The following DHRSX variants were observed in gnomAD, a reference collection of about 807,000 sequenced individuals.
DHRSX encodes the protein dehydrogenase/reductase X-linked, also known as polyprenol dehydrogenase.
A neutral mutation model predicts 34.0 loss-of-function variants in DHRSX; 31 were observed. The ratio of observed to expected loss-of-function variants is 0.91; its 90% CI spans 0.69 to 1.23. The LOEUF (loss-of-function observed/expected upper bound fraction) is 1.23, where lower values mean the gene tolerates loss of function less well. Ranked by LOEUF, DHRSX falls within the 50% of genes most tolerant of loss-of-function variation. The probability of loss-of-function intolerance (pLI) is 0.00; values close to 1 mark genes in which losing one functional copy is unlikely to be tolerated. For missense variants in DHRSX, 414 were observed against 428.1 expected (o/e 0.97, Z 0.29); for synonymous variants, 201 against 183.8 (o/e 1.09, Z -0.76).
At position 2,436,049 on chromosome X, in the gene DHRSX, C is replaced by T. The variant is rs146813849; in HGVS notation, c.110-10745G>A. Among the ~76,000 whole-genome samples the T allele has an allele frequency of 1.5e-3, 230 of 151,834 alleles. 1 individual carries two copies. Among genetic ancestry groups the T allele is most frequent in the African/African-American group, 5.3e-3 (220 of 41,400 alleles). On this transcript the variant is annotated intron_variant, in intron 1 of 6. Coordinates refer to ENST00000334651, the MANE Select transcript of DHRSX (RefSeq NM_145177.3). ...CTGTACTAAAAGTACAAAAATTAGC[C>T]GGGCATGGTAGCACGCACCTGTAAT...
chrX:2,245,639 G>A (rs1198877586), intron 5 of DHRSX, among the ~76,000 whole-genome samples: 1 of 149,622 alleles, frequency 6.7e-6, no homozygotes, highest in Non-Finnish European at 1.5e-5. Context: ...ATTGATTGAT[G>A]TCTCCTGTCT....
chrX:2,389,443 G>A (rs1350476264), intron 3 of DHRSX, among the ~76,000 whole-genome samples: 5 of 152,180 alleles, frequency 3.3e-5, no homozygotes, highest in Admixed American at 6.5e-5. Flanking sequence ...GGTAGGTTTC[G>A]TGTCCACCTC....
intron 6 of DHRSX, among the ~76,000 whole-genome samples, chrX:2,234,265 C>G (rs1478695844): frequency 6.6e-6 from 1 of 152,018 alleles, no homozygotes; most frequent in Non-Finnish European, 1.5e-5. Context: ...CAGCCCTGAT[C>G]CACGCACACA....
intron 3 of DHRSX, among the ~76,000 whole-genome samples, chrX:2,298,138 G>A (rs2041956658): frequency 6.6e-6 from 1 of 152,010 alleles, no homozygotes. Context: ...GCAGAGACTG[G>A]AGTGATACAG....
Position 2,490,098 on chromosome X carries a change from G to A in DHRSX, c.109+10719C>T, listed in dbSNP as rs201660071. The A allele has an allele frequency of 4.6e-5, 74 of 1,613,844 alleles. No individual in the cohort carries two copies. In the East Asian group the frequency reaches 1.3e-3, roughly 28 times the overall value. On this transcript the variant is annotated intron_variant, in intron 1 of 6. Coordinates refer to ENST00000334651, the MANE Select transcript of DHRSX (RefSeq NM_145177.3). ...TGGGCGGCCAGCGTGACGTAGGCGC[G>A]GTTCTGATTCTCACTCCTCCACATG...
chrX:2,474,729 T>C (rs188908530), intron 1 of DHRSX, among the ~76,000 whole-genome samples: 13 of 151,500 alleles, frequency 8.6e-5, no homozygotes, highest in Non-Finnish European at 1.3e-4. Context: ...ATGTACACAC[T>C]GAAGACGTTC....
intron 3 of DHRSX, among the ~76,000 whole-genome samples, chrX:2,380,054 C>A (rs1208004456): frequency 1.3e-5 from 2 of 151,892 alleles, no homozygotes; most frequent in African/African-American, 2.4e-5. Context: ...CCCAGCACTT[C>A]GGGAGGCCGA....
At chrX:2,362,759 C>A (rs1188880654) in intron 3 of DHRSX, among the ~76,000 whole-genome samples, 1 of 149,386 alleles carries the variant, frequency 6.7e-6, no homozygotes, top group African/African-American at 2.5e-5. Context: ...TGGTATCATG[C>A]CGCCATTTTA....
At chrX:2,441,174 C>T (rs909338482) in intron 1 of DHRSX, among the ~76,000 whole-genome samples, 3 of 152,142 alleles carry the variant, frequency 2.0e-5, no homozygotes, top group African/African-American at 7.2e-5. Flanking sequence ...TATCTCATCA[C>T]GTTCACCAAC....
At chrX:2,366,783 G>C (rs1433692842) in intron 3 of DHRSX, among the ~76,000 whole-genome samples, 2 of 150,158 alleles carry the variant, frequency 1.3e-5, no homozygotes, top group African/African-American at 2.5e-5. Context: ...TTTTCCTGTA[G>C]AGACGAGATC....
chrX:2,348,290 C>T (rs1250884441), intron 3 of DHRSX, among the ~76,000 whole-genome samples: 2 of 152,158 alleles, frequency 1.3e-5, no homozygotes, highest in Admixed American at 1.3e-4. Context: ...AAAGTGATCA[C>T]TAAGCTTGGT....
chrX:2,286,139 CT>C (rs2041802544), intron 4 of DHRSX, among the ~76,000 whole-genome samples: 1 of 151,962 alleles, frequency 6.6e-6, no homozygotes, highest in Admixed American at 6.6e-5. Flanking sequence ...AAGATGAATT[CT>C]GATGCACAAA....
At chrX:2,309,112 T>G (rs1915286160) in intron 3 of DHRSX, among the ~76,000 whole-genome samples, 2 of 152,008 alleles carry the variant, frequency 1.3e-5, no homozygotes, top group African/African-American at 4.8e-5. Flanking sequence ...TTATCCCAAT[T>G]CAATCAAGGA....
chrX:2,339,618 G>C (rs867734409), intron 3 of DHRSX, among the ~76,000 whole-genome samples: 2 of 151,936 alleles, frequency 1.3e-5, no homozygotes, highest in African/African-American at 4.8e-5. Context: ...TAGCTTCCAC[G>C]TATCAGTGAC....
At chrX:2,355,796 G>C (rs12838686) in intron 3 of DHRSX, among the ~76,000 whole-genome samples, 21,571 of 151,996 alleles carry the variant, frequency 0.14, 2,047 homozygotes, top group Admixed American at 0.21. Flanking sequence ...GCTGGGTATG[G>C]TGGCTCACCC....
chrX:2,264,794 C>G (rs1181727041), intron 5 of DHRSX, among the ~76,000 whole-genome samples: 1 of 121,304 alleles, frequency 8.2e-6, no homozygotes, highest in Non-Finnish European at 1.7e-5. Flanking sequence ...ACACAGGGAG[C>G]ACCGTGCCCA....
At chrX:2,253,143 G>A (rs2016472271) in intron 5 of DHRSX, among the ~76,000 whole-genome samples, 1 of 152,202 alleles carries the variant, frequency 6.6e-6, no homozygotes, top group African/African-American at 2.4e-5. Flanking sequence ...AGCCAAGATA[G>A]CGTCACTGCA....
At chrX:2,500,654 G>GCCCCCCCCCCCCCCCCCCCCCCCCCCCC (rs546772121) in intron 1 of DHRSX, 163 bp downstream of exon 1, 2 of 126,744 alleles carry the variant, frequency 1.6e-5, no homozygotes, top group South Asian at 2.5e-4. Context: ...CGCGCACGCC[G>GCCCCCCCCCCCCCCCCCCCCCCCCCCCC]CCCCCCCCCC....
chrX:2,406,223 C>T (rs1171180767), intron 3 of DHRSX, among the ~76,000 whole-genome samples: 2 of 151,562 alleles, frequency 1.3e-5, no homozygotes, highest in Admixed American at 6.6e-5. Context: ...ACCTGGGAGC[C>T]GGAGGTTGCA....
Sources: allele counts gnomAD v4.1 joint callset (sites outside exome capture counted in the v4.1 genomes callset), GRCh38; gene constraint gnomAD v4.1.1; transcripts MANE v1.5; gene names NCBI Gene and HGNC (gene_info 2026-07-23, HGNC 2026-07-21).